The following ZUP1 variants were observed in gnomAD, a reference collection of about 807,000 sequenced individuals.
ZUP1 encodes zinc finger containing ubiquitin peptidase 1, also known as zinc finger-containing ubiquitin peptidase 1.
ZUP1 carries 55 observed loss-of-function variants against 68.1 expected under a neutral mutation model. That is an observed-to-expected ratio of 0.81 (90% confidence interval 0.65 to 1.01). The LOEUF is 1.01. Among genes scored for constraint, ZUP1 ranks in the 50% least tolerant of loss-of-function variants. The pLI is 0.00. For missense variants in ZUP1, 684 were observed against 674.9 expected, an observed-to-expected ratio of 1.01 and a Z score of -0.15; for synonymous variants, 223 against 221.5, an observed-to-expected ratio of 1.01 and a Z score of -0.06.
chr6:116,640,787 G>A (rs1353159015), intron 9 of ZUP1, among the ~76,000 whole-genome samples: 3 of 151,102 alleles, frequency 2.0e-5, no homozygotes. Flanking sequence ...CAACTAACAA[G>A]CAAAATAACC....
At position 116,652,150 on chromosome 6, in the gene ZUP1, G is replaced by A. The variant is rs1166072504; in HGVS notation, c.1004C>T (p.Thr335Ile). Reference protein sequence around the residue: ...ALHRYYQNAATDVRRVWLSSV... With the variant: ...ALHRYYQNAAIDVRRVWLSSV... ...AGAAAGCCACACCCGTCTCACATCT[G>A]TGGCAGCATTCTGATAATACCTATG... The change falls in exon 6 of 10, where the codon ACA becomes ATA. Residue 335 changes from threonine to isoleucine, a missense_variant. By Grantham distance (89) the Thr-to-Ile change is moderately conservative. Coordinates refer to ENST00000368576, the MANE Select transcript of ZUP1 (RefSeq NM_145062.3). The A allele has an allele frequency of 3.1e-6, 5 of 1,613,956 alleles. No homozygotes were observed. The highest frequency in any genetic ancestry group is 1.1e-5 in the South Asian group (1 of 91,078).
At chr6:116,640,119 G>A (rs182000305) in intron 9 of ZUP1, among the ~76,000 whole-genome samples, 4,020 of 151,860 alleles carry the variant, frequency 0.026, 73 homozygotes, top group Middle Eastern at 0.099. Flanking sequence ...GAAATGAAGC[G>A]AGAAGGGAAG....
At chr6:116,642,742 C>T (rs904014054) in intron 9 of ZUP1, among the ~76,000 whole-genome samples, 2 of 152,028 alleles carry the variant, frequency 1.3e-5, no homozygotes, top group South Asian at 4.1e-4. Context: ...ACTGAATGGG[C>T]AAAAACTGGA....
intron 9 of ZUP1, among the ~76,000 whole-genome samples, chr6:116,638,890 C>T (rs1775988363): frequency 1.3e-5 from 2 of 152,234 alleles, no homozygotes; most frequent in Admixed American, 6.5e-5. Flanking sequence ...GAGGCATTGC[C>T]TCACTCGGGA....
chr6:116,651,796 A>G, intron 6 of ZUP1, 59 bp from the exon 7 acceptor site: 1 of 1,585,704 alleles, frequency 6.3e-7, no homozygotes, highest in Non-Finnish European at 8.6e-7. Context: ...AATAATATTT[A>G]GCAGTGTATT....
chr6:116,640,298 G>A (rs1218048547), intron 9 of ZUP1, among the ~76,000 whole-genome samples: 1 of 152,192 alleles, frequency 6.6e-6, no homozygotes, highest in Non-Finnish European at 1.5e-5. Flanking sequence ...CCCCAATCTA[G>A]CAAGGGAGGC....
chr6:116,650,045 A>C (rs1776431606), intron 7 of ZUP1, among the ~76,000 whole-genome samples: 1 of 152,226 alleles, frequency 6.6e-6, no homozygotes, highest in African/African-American at 2.4e-5. Context: ...ATTTCAATAC[A>C]GTAATTGGGG....
chr6:116,659,382 G>C (rs966393188), intron 3 of ZUP1, among the ~76,000 whole-genome samples: 1 of 152,036 alleles, frequency 6.6e-6, no homozygotes, highest in Non-Finnish European at 1.5e-5. Flanking sequence ...CACCAGCCTC[G>C]GCCTCCCAAA....
At chr6:116,663,401 C>G (rs918702002) in intron 2 of ZUP1, among the ~76,000 whole-genome samples, 1 of 152,142 alleles carries the variant, frequency 6.6e-6, no homozygotes, top group Non-Finnish European at 1.5e-5. Flanking sequence ...TATTTCACTT[C>G]TGTACTTCTA....
In ZUP1 at chr6:116,651,448, T is replaced by C. The variant is rs945016078; in HGVS notation, c.1316+124A>G. 18 of 771,342 alleles carry C rather than the reference T, an allele frequency of 2.3e-5. No homozygotes were observed. In the East Asian group the frequency reaches 2.7e-4, roughly 12 times the overall value. 47.8% of individuals were successfully genotyped at this position (771,342 alleles called of 1,614,324 possible). On this transcript the variant is annotated intron_variant, in intron 7 of 9. Transcript: ENST00000368576. ...ATAGTGAATAGGCTGCTGATTTTCA[T>C]TGCTACTTAATTTAGTGCTACTTAA...
intron 5 of ZUP1, 86 bp from the exon 6 acceptor site, chr6:116,652,278 G>A (rs972933800): frequency 3.3e-5 from 33 of 990,316 alleles, no homozygotes; most frequent in African/African-American, 3.1e-4. Context: ...TCTCCTTCAC[G>A]CACCATACCT....
chr6:116,665,873 G>GT (rs1248971994), intron 2 of ZUP1, among the ~76,000 whole-genome samples: 1 of 150,752 alleles, frequency 6.6e-6, no homozygotes, highest in African/African-American at 2.4e-5. Flanking sequence ...TTACAGGCAT[G>GT]AGCCACAACA....
intron 9 of ZUP1, among the ~76,000 whole-genome samples, chr6:116,643,627 C>G (rs1327868825): frequency 6.6e-6 from 1 of 152,154 alleles, no homozygotes; most frequent in Admixed American, 6.6e-5. Flanking sequence ...GGAAAACTGG[C>G]TGGCCATATG....
intron 2 of ZUP1, 29 bp downstream of exon 2, chr6:116,666,605 T>C (rs752073038): frequency 1.3e-6 from 2 of 1,509,418 alleles, no homozygotes; most frequent in South Asian, 2.8e-5. Context: ...GCTGTAAACT[T>C]ATAATTTATA....
intron 4 of ZUP1, among the ~76,000 whole-genome samples, chr6:116,658,405 A>G (rs1776731237): frequency 6.6e-6 from 1 of 152,224 alleles, no homozygotes; most frequent in African/African-American, 2.4e-5. Flanking sequence ...TTTCGCTTCC[A>G]AGCATCTATA....
rs375285419 is a variant in ZUP1 at position 116,652,204 on chromosome 6, A to G, written c.962-12T>C. 406 of 1,604,524 alleles carry G rather than the reference A, an allele frequency of 2.5e-4. No homozygotes were observed. Among genetic ancestry groups the G allele is most frequent in the Non-Finnish European group, 3.2e-4 (374 of 1,175,506 alleles). On this transcript the variant is annotated splice_polypyrimidine_tract_variant and intron_variant, in intron 5 of 9. Transcript: ENST00000368576. Reference sequence around the variant, plus strand: ...TGCTTCAATAATTCCTAAAGTAGAAAAGAGATTCAGAAGCAGTCATTATCA... The same window carrying G: ...TGCTTCAATAATTCCTAAAGTAGAAGAGAGATTCAGAAGCAGTCATTATCA...
intron 7 of ZUP1, 108 bp from the exon 8 acceptor site, chr6:116,647,718 C>T: frequency 1.2e-6 from 1 of 825,036 alleles, no homozygotes; most frequent in Non-Finnish European, 1.7e-6. Context: ...TGTTTCTAGC[C>T]ATTACTTTCC....
intron 2 of ZUP1, 93 bp downstream of exon 2, chr6:116,666,541 C>G (rs1777015170): frequency 1.0e-6 from 1 of 987,068 alleles, no homozygotes; most frequent in African/African-American, 1.6e-5. Flanking sequence ...CAAAACACAT[C>G]TGTAGTAAGC....
chr6:116,655,656 A>G (rs1776639682), intron 5 of ZUP1, among the ~76,000 whole-genome samples: 1 of 152,224 alleles, frequency 6.6e-6, no homozygotes, highest in South Asian at 2.1e-4. Context: ...CTCATCAGAA[A>G]AAAGCCATAT....
Sources: gnomAD v4.1 joint callset for allele counts (sites outside exome capture counted in the v4.1 genomes callset) on GRCh38, gnomAD v4.1.1 for gene constraint, MANE v1.5 for transcripts, NCBI Gene and HGNC (gene_info 2026-07-23, HGNC 2026-07-21) for gene names.